The following MECOM variants were observed in gnomAD, a reference collection of about 807,000 sequenced individuals.
MECOM encodes histone-lysine N-methyltransferase MECOM.
A neutral mutation model predicts 116.3 loss-of-function variants in MECOM; 13 were observed. That is an observed-to-expected ratio of 0.11 (90% confidence interval 0.07 to 0.18). MECOM has a LOEUF of 0.18. Ranked by LOEUF, MECOM falls within the 10% of genes least tolerant of loss-of-function variation. MECOM has a pLI of 1.00. For missense variants in MECOM, 1,299 were observed against 1,509.0 expected, an observed-to-expected ratio of 0.86 and a Z score of 2.31; for synonymous variants, 528 against 535.2, an observed-to-expected ratio of 0.99 and a Z score of 0.19.
chr3:169,379,367 G>A (rs1460258417), intron 2 of MECOM, among the ~76,000 whole-genome samples: 1 of 151,960 alleles, frequency 6.6e-6, no homozygotes, highest in Non-Finnish European at 1.5e-5. Context: ...AGGAGAAAGA[G>A]GAGAAAGGGA....
rs539030257 is a variant in MECOM, at chr3:169,088,925, C to A, written c.3585+75G>T. ...AAATATTTCAAAGATAGAATATTTG[C>A]TTTTTGGTAATCAAAGGAAATGTAC... On this transcript the variant is annotated intron_variant, in intron 16 of 16. Transcript: ENST00000651503. 2.1e-5 allele frequency: 26 copies of A among 1,252,574 alleles called. No individual in the cohort carries two copies. The East Asian group carries it at 4.9e-4, about 24-fold the overall frequency. The allele number at this position is 1,252,574 out of a possible 1,614,324, so 77.6% of individuals were successfully genotyped here.
rs1019141436 is a variant in MECOM, at chr3:169,652,775, C to T, written c.37+10561G>A. Among the ~76,000 whole-genome samples, 5 of 152,158 alleles carry T rather than the reference C, an allele frequency of 3.3e-5. No homozygotes were observed. In the East Asian group the frequency reaches 5.8e-4, roughly 18 times the overall value. On this transcript the variant is annotated intron_variant, in intron 1 of 16. Coordinates refer to ENST00000651503, the MANE Select transcript of MECOM (RefSeq NM_004991.4). ...AATCATAAAAGTGCATTTAAATATA[C>T]AGCAAAATGCTTGACACCATGCTCT... is the stretch of plus-strand genomic sequence containing the variant.
chr3:169,570,970 T>C (rs940463753), intron 1 of MECOM, among the ~76,000 whole-genome samples: 1 of 152,142 alleles, frequency 6.6e-6, no homozygotes, highest in African/African-American at 2.4e-5. Context: ...TTCAACATAG[T>C]ATTGGAAGTT....
intron 1 of MECOM, among the ~76,000 whole-genome samples, chr3:169,392,523 C>G (rs1172602412): frequency 6.6e-6 from 1 of 152,128 alleles, no homozygotes; most frequent in Non-Finnish European, 1.5e-5. Context: ...ATAAATACCA[C>G]GTTGTGCCTG....
chr3:169,316,214 C>T (rs971899216), intron 2 of MECOM, among the ~76,000 whole-genome samples: 3 of 152,166 alleles, frequency 2.0e-5, no homozygotes, highest in South Asian at 2.1e-4. Flanking sequence ...TCTGTTCTTT[C>T]GACAACTCAA....
chr3:169,490,670 G>A (rs1235895503), intron 1 of MECOM, among the ~76,000 whole-genome samples: 1 of 152,072 alleles, frequency 6.6e-6, no homozygotes, highest in Non-Finnish European at 1.5e-5. Context: ...GCTTGTGATG[G>A]AACATATACA....
At chr3:169,203,643 A>G (rs1316764310) in intron 2 of MECOM, among the ~76,000 whole-genome samples, 1 of 152,208 alleles carries the variant, frequency 6.6e-6, no homozygotes, top group East Asian at 1.9e-4. Flanking sequence ...GACATAGAGA[A>G]TAAATAGGAC....
intron 2 of MECOM, among the ~76,000 whole-genome samples, chr3:169,187,510 T>G (rs1219106989): frequency 6.6e-6 from 1 of 152,132 alleles, no homozygotes; most frequent in African/African-American, 2.4e-5. Flanking sequence ...TGCTACCAGC[T>G]GCTCTGTGGC....
chr3:169,352,804 T>TG (rs1424999944), intron 2 of MECOM, among the ~76,000 whole-genome samples: 1 of 151,886 alleles, frequency 6.6e-6, no homozygotes, highest in East Asian at 1.9e-4. Context: ...ACATTTTTCT[T>TG]GCAACGAAGC....
At chr3:169,268,416 G>A (rs1758560830) in intron 2 of MECOM, among the ~76,000 whole-genome samples, 1 of 152,168 alleles carries the variant, frequency 6.6e-6, no homozygotes, top group Admixed American at 6.5e-5. Flanking sequence ...ATGCAAACAG[G>A]AGGAGAACTG....
At chr3:169,639,327 T>C (rs1773187073) in intron 1 of MECOM, among the ~76,000 whole-genome samples, 1 of 152,190 alleles carries the variant, frequency 6.6e-6, no homozygotes, top group Non-Finnish European at 1.5e-5. Context: ...CTTCAAAAGC[T>C]GACATATTGC....
intron 2 of MECOM, chr3:169,146,434 G>C (rs751343771): frequency 3.6e-6 from 5 of 1,390,638 alleles, no homozygotes; most frequent in Non-Finnish European, 2.9e-6. Context: ...AGGAGGAGAA[G>C]AGCGCAAGGA....
intron 2 of MECOM, among the ~76,000 whole-genome samples, chr3:169,272,568 ATCTTTAAAACGTTT>A (rs1257002527): frequency 6.6e-6 from 1 of 152,214 alleles, no homozygotes; most frequent in African/African-American, 2.4e-5. Context: ...TGTAAAGATA[ATCTTTAAAACGTTT>A]TCTGACATGG....
chr3:169,134,265 C>T (rs1427869792), intron 3 of MECOM, among the ~76,000 whole-genome samples: 2 of 152,168 alleles, frequency 1.3e-5, no homozygotes, highest in African/African-American at 4.8e-5. Flanking sequence ...AAAGACAATT[C>T]TCTTTGCCAA....
chr3:169,143,973 A>G (rs1738927654), intron 2 of MECOM, 141 bp from the exon 3 acceptor site: 1 of 923,720 alleles, frequency 1.1e-6, no homozygotes, highest in Non-Finnish European at 1.5e-6. Flanking sequence ...ACATTAATAG[A>G]GGGGAAATGA....
chr3:169,439,339 A>C lies in MECOM; in HGVS notation c.38-57815T>G, dbSNP rs574669052. Reference sequence around the variant, plus strand: ...TAGTATCCAGAATATTAATATTATTAATATTATTTAATATTAATATAGTTA... The same window carrying C: ...TAGTATCCAGAATATTAATATTATTCATATTATTTAATATTAATATAGTTA... On this transcript the variant is annotated intron_variant, in intron 1 of 16. Transcript: ENST00000651503. Among the ~76,000 whole-genome samples, 6 of 147,802 alleles carry C rather than the reference A, an allele frequency of 4.1e-5. No homozygotes were observed. In the East Asian group the frequency reaches 1.2e-3, roughly 29 times the overall value.
intron 1 of MECOM, among the ~76,000 whole-genome samples, chr3:169,415,927 G>T (rs1054574399): frequency 2.6e-5 from 4 of 152,022 alleles, no homozygotes; most frequent in Admixed American, 6.6e-5. Flanking sequence ...ATAATAATGG[G>T]AGAATTTAAT....
chr3:169,618,628 GCC>G (rs1203100350), intron 1 of MECOM, among the ~76,000 whole-genome samples: 6 of 152,142 alleles, frequency 3.9e-5, no homozygotes, highest in African/African-American at 1.4e-4. Flanking sequence ...CTGCACTCCA[GCC>G]TGGTGACAGA....
At chr3:169,659,854 A>C (rs552197125) in intron 1 of MECOM, among the ~76,000 whole-genome samples, 1 of 152,014 alleles carries the variant, frequency 6.6e-6, no homozygotes, top group Non-Finnish European at 1.5e-5. Context: ...GTCGGCATCT[A>C]CCTTTCCTAC....
Sources: gnomAD v4.1 joint callset for allele counts (sites outside exome capture counted in the v4.1 genomes callset) on GRCh38, gnomAD v4.1.1 for gene constraint, MANE v1.5 for transcripts, NCBI Gene and HGNC (gene_info 2026-07-23, HGNC 2026-07-21) for gene names.